Variants in USP34 observed in about 807,000 individuals in gnomAD.
USP34 encodes the protein ubiquitin carboxyl-terminal hydrolase 34.
USP34 carries 70 observed loss-of-function variants against 460.3 expected under a neutral mutation model. The observed-to-expected ratio is 0.15, with a 90% CI of 0.13 to 0.19. The LOEUF (loss-of-function observed/expected upper bound fraction) is 0.19. USP34 is among the 10% of genes least tolerant of loss of function. The pLI, the probability that USP34 is intolerant of heterozygous loss-of-function variation, is 1.00. For missense variants in USP34, 3,985 were observed against 4,236.2 expected, an observed-to-expected ratio of 0.94 and a Z score of 1.65; for synonymous variants, 1,647 against 1,405.3, an observed-to-expected ratio of 1.17 and a Z score of -3.85.
intron 1 of USP34, among the ~76,000 whole-genome samples, chr2:61,426,762 C>T (rs552001004): frequency 1.3e-5 from 2 of 152,274 alleles, no homozygotes; most frequent in South Asian, 2.1e-4. Flanking sequence ...TGAGACCCAG[C>T]ATAGTCCTAA....
intron 2 of USP34, among the ~76,000 whole-genome samples, chr2:61,409,552 A>G (rs1397880625): frequency 6.6e-6 from 1 of 152,038 alleles, no homozygotes; most frequent in Admixed American, 6.6e-5. Context: ...CATCTCTACT[A>G]AAAATACAAA....
At chr2:61,227,245 A>T (rs919127374) in intron 61 of USP34, 27 bp from the exon 62 acceptor site, 1 of 1,580,610 alleles carries the variant, frequency 6.3e-7, no homozygotes, top group Non-Finnish European at 8.6e-7. Flanking sequence ...TTCAATTTTA[A>T]TACGGTAGTA....
chr2:61,437,195 C>T (rs1027067365), intron 1 of USP34, among the ~76,000 whole-genome samples: 2 of 151,792 alleles, frequency 1.3e-5, no homozygotes, highest in African/African-American at 4.8e-5. Flanking sequence ...CTGAAATAAA[C>T]AAAATTGAGA....
chr2:61,246,617 A>C (rs938514668), intron 49 of USP34, 140 bp from the exon 50 acceptor site: 6 of 599,992 alleles, frequency 1.0e-5, no homozygotes, highest in Non-Finnish European at 1.3e-5. Context: ...CAATGTGACG[A>C]GTTACTTAGA....
At chr2:61,242,596 G>T (rs183594487) in intron 51 of USP34, among the ~76,000 whole-genome samples, 3 of 151,986 alleles carry the variant, frequency 2.0e-5, no homozygotes, top group Non-Finnish European at 2.9e-5. Context: ...AGGACAAAAG[G>T]AGGCTGAACA....
intron 18 of USP34, among the ~76,000 whole-genome samples, chr2:61,335,359 A>AT (rs1449802798): frequency 6.6e-6 from 1 of 152,244 alleles, no homozygotes; most frequent in Non-Finnish European, 1.5e-5. Flanking sequence ...TCAAACTTAC[A>AT]TTTCACAAAT....
chr2:61,358,193 A>AAAATAAATAAATAAATAAATAAATAAAT lies in USP34; in HGVS notation c.1252-7528_1252-7501dup, dbSNP rs75593990. Among the ~76,000 whole-genome samples the AAAATAAATAAATAAATAAATAAATAAAT allele has an allele frequency of 6.1e-5, 9 of 148,662 alleles. No homozygotes were observed. The East Asian group carries it at 1.4e-3, about 23-fold the overall frequency. On this transcript the variant is annotated intron_variant, in intron 10 of 79. Transcript: ENST00000398571. ...GGCAAGACAGAGCGAGATTCCATCT[A>AAAATAAATAAATAAATAAATAAATAAAT]AAATAAATAAATAAATAAATAAATA...
chr2:61,282,518 C>T (rs553751811), intron 37 of USP34, among the ~76,000 whole-genome samples: 2 of 152,226 alleles, frequency 1.3e-5, no homozygotes, highest in African/African-American at 2.4e-5. Context: ...CTGGGTGCAG[C>T]GGCTCATGCC....
intron 37 of USP34, 49 bp from the exon 38 acceptor site, chr2:61,281,291 G>C (rs1558507791): frequency 6.4e-7 from 1 of 1,562,692 alleles, no homozygotes; most frequent in Non-Finnish European, 8.7e-7. Flanking sequence ...GTATTACAAA[G>C]TTAATATGTT....
At chr2:61,413,304 T>C (rs767723692) in intron 2 of USP34, among the ~76,000 whole-genome samples, 5 of 152,102 alleles carry the variant, frequency 3.3e-5, no homozygotes, top group South Asian at 2.1e-4. Context: ...TGAGGCAGAA[T>C]TGCCTGAACC....
intron 1 of USP34, among the ~76,000 whole-genome samples, chr2:61,421,819 C>G (rs559844966): frequency 5.9e-5 from 9 of 152,122 alleles, no homozygotes. Context: ...GCACCTTCTA[C>G]TTAATCAGAC....
rs772657767 is a variant in USP34 at position 61,349,308 on chromosome 2, G to A, written c.1508-23C>T. 6.2e-6 allele frequency: 10 copies of A among 1,611,750 alleles called. No individual in the cohort carries two copies. The African/African-American group carries it at 6.7e-5, about 11-fold the overall frequency. ...CCTCTGAAGGAAAAGGAAAAAACAG[G>A]AGAAAAACATTCTAAGTGACTCAGC... is the stretch of plus-strand genomic sequence containing the variant. On this transcript the variant is annotated intron_variant, in intron 12 of 79. Transcript: ENST00000398571.
At chr2:61,289,740 G>A (rs184995699) in intron 33 of USP34, among the ~76,000 whole-genome samples, 12 of 152,158 alleles carry the variant, frequency 7.9e-5, no homozygotes, top group South Asian at 2.1e-4. Context: ...CCAAATAGCC[G>A]TATGAAGAAG....
At chr2:61,378,534 A>C in intron 7 of USP34, 110 bp from the exon 8 acceptor site, 1 of 598,556 alleles carries the variant, frequency 1.7e-6, no homozygotes, top group Non-Finnish European at 2.9e-6. Context: ...CACAATAACT[A>C]GATTAATATT....
intron 51 of USP34, among the ~76,000 whole-genome samples, chr2:61,243,577 T>A (rs1480859902): frequency 5.7e-4 from 67 of 118,016 alleles, no homozygotes; most frequent in African/African-American, 2.1e-3. Context: ...TTTTTTTTTT[T>A]AAAAGGAAAC....
chr2:61,196,909 CAT>C (rs917691349), intron 75 of USP34, among the ~76,000 whole-genome samples: 10 of 152,206 alleles, frequency 6.6e-5, no homozygotes, highest in Non-Finnish European at 1.0e-4. Context: ...AAAAAAATAC[CAT>C]AGAGGCCTTT....
At position 61,406,717 on chromosome 2, in the gene USP34, AAT is replaced by A. The variant is rs1488357117; in HGVS notation, c.132-591_132-590del. On this transcript the variant is annotated intron_variant, in intron 2 of 79. Coordinates refer to ENST00000398571, the MANE Select transcript of USP34 (RefSeq NM_014709.4). The stretch of plus-strand genomic sequence containing the variant: ...TATGTGTATTTAAAAAAAAAAAAAA[AAT>A]ATTGGCCAGGCGCAGTGGCTCACGC... Among the ~76,000 whole-genome samples, 21 of 151,674 alleles carry A rather than the reference AAT, an allele frequency of 1.4e-4. No homozygotes were observed. The East Asian group carries it at 2.1e-3, about 15-fold the overall frequency.
In USP34 at chr2:61,243,093, G is replaced by A. The variant is rs187609460; in HGVS notation, c.6628-1274C>T. Among the ~76,000 whole-genome samples the A allele has an allele frequency of 5.9e-5, 9 of 152,038 alleles. No individual in the cohort carries two copies. In the East Asian group the frequency reaches 1.2e-3, roughly 20 times the overall value. The stretch of plus-strand genomic sequence containing the variant: ...ACTCCTGACCTCAAGCAATCCGCCC[G>A]CCTCAGCCTCCCAAAGTGCTGAGAT... On this transcript the variant is annotated intron_variant, in intron 51 of 79. Coordinates refer to ENST00000398571, the MANE Select transcript of USP34 (RefSeq NM_014709.4).
At chr2:61,463,530 T>C (rs1391242051) in intron 1 of USP34, among the ~76,000 whole-genome samples, 2 of 152,072 alleles carry the variant, frequency 1.3e-5, no homozygotes, top group African/African-American at 2.4e-5. Flanking sequence ...ATTTATACAA[T>C]GTTAACTAGT....
Sources: gnomAD v4.1 joint callset for allele counts (sites outside exome capture counted in the v4.1 genomes callset) on GRCh38, gnomAD v4.1.1 for gene constraint, MANE v1.5 for transcripts, NCBI Gene and HGNC (gene_info 2026-07-23, HGNC 2026-07-21) for gene names.